The following MFSD2B variants were observed in gnomAD, a reference collection of about 807,000 sequenced individuals.
MFSD2B encodes the protein MFSD2 lysolipid transporter B, sphingolipid.
Under a neutral mutation model 58.4 loss-of-function variants are expected in MFSD2B, and 56 were observed. The ratio of observed to expected loss-of-function variants is 0.96; its 90% confidence interval spans 0.77 to 1.20. The LOEUF (loss-of-function observed/expected upper bound fraction) is 1.20. Ranked by LOEUF, MFSD2B falls within the 50% of genes most tolerant of loss-of-function variation. The pLI is 0.00. For synonymous variants in MFSD2B, 287 were observed against 294.4 expected (o/e 0.97, Z 0.26); for missense variants, 645 against 667.6 (o/e 0.97, Z 0.37).
At chr2:24,016,701 T>TCGA in intron 3 of MFSD2B, 144 bp from the exon 4 acceptor site, 1 of 944,990 alleles carries the variant, frequency 1.1e-6, no homozygotes, top group Non-Finnish European at 1.6e-6. Flanking sequence ...CGGCCACTTC[T>TCGA]CCCCTGCTCC....
chr2:24,014,062 G>C (rs534058879), intron 2 of MFSD2B, among the ~76,000 whole-genome samples: 10 of 151,620 alleles, frequency 6.6e-5, no homozygotes, highest in Admixed American at 2.0e-4. Context: ...ACCCAGGCTG[G>C]AGTGCAATGG....
Position 24,022,365 on chromosome 2 carries a change from G to C in MFSD2B, c.895-68G>C. 1 of 1,297,072 alleles carries C rather than the reference G, an allele frequency of 7.7e-7. No homozygotes were observed. The highest frequency in any genetic ancestry group is 1.9e-5 in the Admixed American group (1 of 52,398). The allele number at this position is 1,297,072 out of a possible 1,614,324, so 80.3% of individuals were successfully genotyped here. On this transcript the variant is annotated intron_variant, in intron 8 of 13. Transcript: ENST00000338315. This position sits in a 1 kb window ranked among gnomAD's most constrained non-coding sequence, Gnocchi z 4.5. ...ATGGAGATGCCAGACTCCAGACCCT[G>C]TCCTTGCCCTTGACTTCTGAGCTCC...
In MFSD2B at chr2:24,021,794, G is replaced by A. The variant is rs1429432796; in HGVS notation, c.773-55G>A. On this transcript the variant is annotated intron_variant, in intron 7 of 13. Transcript: ENST00000338315. The surrounding 1 kb of genome is among the most constrained non-coding windows in gnomAD (Gnocchi z 5.7). ...GCTGGGGGCAGGGCTCTGCTTGGGG[G>A]CAGGTTTTGCTTTTGAACTCTGCGA... is the stretch of plus-strand genomic sequence containing the variant. 38 of 1,612,870 alleles carry A rather than the reference G, an allele frequency of 2.4e-5. No individual in the cohort carries two copies. The highest frequency in any genetic ancestry group is 3.2e-5 in the Non-Finnish European group (38 of 1,179,220).
intron 2 of MFSD2B, 76 bp from the exon 3 acceptor site, chr2:24,016,080 G>A (rs1709133938): frequency 6.3e-7 from 1 of 1,581,968 alleles, no homozygotes. Context: ...CCTCCCTCTT[G>A]ATGGCAAGCA....
In MFSD2B at chr2:24,017,075, T is replaced by C; in HGVS notation, c.471+107T>C. ...AGGGCTGCCGCCCTCCCCACCCGCC[T>C]GTGCCTGGACCATGCCATTGGCACT... On this transcript the variant is annotated intron_variant, in intron 4 of 13. Coordinates refer to ENST00000338315, the MANE Select transcript of MFSD2B (RefSeq NM_001346880.2). This position sits in a 1 kb window ranked among gnomAD's most constrained non-coding sequence, Gnocchi z 4.8. 6.6e-7 allele frequency: 1 copy of C among 1,512,608 alleles called. No individual in the cohort carries two copies. Among genetic ancestry groups the C allele is most frequent in the South Asian group, 1.2e-5 (1 of 82,872 alleles). 93.7% of individuals were successfully genotyped at this position (1,512,608 alleles called of 1,614,324 possible). A position where few individuals can be genotyped will look rare whatever the true frequency, so the allele number is the denominator to read the frequency against.
Position 24,024,282 on chromosome 2 carries a change from C to G in MFSD2B, c.1490+11C>G, listed in dbSNP as rs1041812780. The G allele has an allele frequency of 6.9e-6, 11 of 1,590,990 alleles. No individual in the cohort carries two copies. The highest frequency in any genetic ancestry group is 3.4e-4 in the Middle Eastern group (2 of 5,936). On this transcript the variant is annotated intron_variant, in intron 13 of 13. Transcript: ENST00000338315. This position sits in a 1 kb window ranked among gnomAD's most constrained non-coding sequence, Gnocchi z 4.3. ...GCTGAGCCTTCGGAGGTAAGCCCCG[C>G]ACGCCCCCTGCAGCCAGCGAGGCAC...
intron 2 of MFSD2B, 44 bp from the exon 3 acceptor site, chr2:24,016,112 G>A: frequency 6.2e-7 from 1 of 1,610,316 alleles, no homozygotes; most frequent in Middle Eastern, 2.1e-4. Context: ...GCTCTCTGCT[G>A]CTGCTGGGCC....
At chr2:24,016,989 GGCCTGTGCTCT>G (rs1558322131) in intron 4 of MFSD2B, 21 bp downstream of exon 4, 1 of 1,612,968 alleles carries the variant, frequency 6.2e-7, no homozygotes, top group Admixed American at 1.7e-5. Flanking sequence ...CCCCTTCCTG[GGCCTGTGCTCT>G]GGCGAAGCCC....
In MFSD2B at chr2:24,020,578, G is replaced by A. The variant is rs1662737413; in HGVS notation, c.682-1070G>A. ...CACTGTCCTGCTTCCTATATATACA[G>A]AGGCAGGGTCTTACTCTGCCACCCA... On this transcript the variant is annotated intron_variant, in intron 6 of 13. Coordinates refer to ENST00000338315, the MANE Select transcript of MFSD2B (RefSeq NM_001346880.2). This position sits in a 1 kb window ranked among gnomAD's most constrained non-coding sequence, Gnocchi z 4.1. Among the ~76,000 whole-genome samples the A allele has an allele frequency of 1.3e-5, 2 of 152,036 alleles. No individual in the cohort carries two copies. The highest frequency in any genetic ancestry group is 4.8e-5 in the African/African-American group (2 of 41,374).
rs1268673790 is a variant in MFSD2B, at chr2:24,012,603, C to T, written c.97-682C>T. The stretch of plus-strand genomic sequence containing the variant: ...GGATTGTAGGGAGCAAGGGCAGACA[C>T]AGAAGCCACTTAGGAGGCATTCACT... On this transcript the variant is annotated intron_variant, in intron 1 of 13. Coordinates refer to ENST00000338315, the MANE Select transcript of MFSD2B (RefSeq NM_001346880.2). The surrounding 1 kb of genome is among the most constrained non-coding windows in gnomAD (Gnocchi z 4.5). Among the ~76,000 whole-genome samples, 3 of 152,154 alleles carry T rather than the reference C, an allele frequency of 2.0e-5. No homozygotes were observed. The highest frequency in any genetic ancestry group is 2.9e-5 in the Non-Finnish European group (2 of 68,038).
chr2:24,010,164 G>A lies in MFSD2B; in HGVS notation c.68G>A (p.Gly23Asp). 1 of 1,448,722 alleles carries A rather than the reference G, an allele frequency of 6.9e-7. No individual in the cohort carries two copies. Among genetic ancestry groups the A allele is most frequent in the Non-Finnish European group, 9.0e-7 (1 of 1,105,478 alleles). 89.7% of individuals were successfully genotyped at this position (1,448,722 alleles called of 1,614,324 possible). A position where few individuals can be genotyped will look rare whatever the true frequency, so the allele number is the denominator to read the frequency against. ...CCGGAGCCGCACGCCCCAGAGCCCG[G>A]CCCGGGGAGCGCCAAGCGAGGGCGA... ...PQPEPHAPEP[G>D]PGSAKRGRED... The change falls in exon 1 of 14, where the codon GGC becomes GAC. Residue 23 changes from glycine to aspartate, a missense_variant. Physicochemically the swap from Gly to Asp is moderately conservative, Grantham distance 94. Coordinates refer to ENST00000338315, the MANE Select transcript of MFSD2B (RefSeq NM_001346880.2).
At chr2:24,019,716 T>C (rs1242524245) in intron 6 of MFSD2B, among the ~76,000 whole-genome samples, 1 of 152,130 alleles carries the variant, frequency 6.6e-6, no homozygotes, top group Non-Finnish European at 1.5e-5. Flanking sequence ...ACCTTGCCTA[T>C]GTACTCTGCA....
Position 24,016,082 on chromosome 2 carries a change from T to C in MFSD2B, c.223-74T>C, listed in dbSNP as rs192743298. On this transcript the variant is annotated intron_variant, in intron 2 of 13. Coordinates refer to ENST00000338315, the MANE Select transcript of MFSD2B (RefSeq NM_001346880.2). ...CCCGGTTCCCAGGCCTCCCTCTTGA[T>C]GGCAAGCAGGCCTGGATGGGCTCTC... 9.1e-4 allele frequency: 1,436 copies of C among 1,585,480 alleles called. 3 individuals are homozygous for C. The highest frequency in any genetic ancestry group is 6.8e-4 in the Non-Finnish European group (788 of 1,161,258).
chr2:24,014,156 T>C (rs1249414261), intron 2 of MFSD2B, among the ~76,000 whole-genome samples: 6 of 152,018 alleles, frequency 3.9e-5, no homozygotes, highest in African/African-American at 1.4e-4. Context: ...GGATTACAGG[T>C]GTGTGCCATC....
At position 24,022,325 on chromosome 2, in the gene MFSD2B, C is replaced by A; in HGVS notation, c.895-108C>A. The stretch of plus-strand genomic sequence containing the variant: ...GGAAGGGACTGTATGATGGTAGCAG[C>A]AAGCCAAGGTCCCAATGGAGATGCC... On this transcript the variant is annotated intron_variant, in intron 8 of 13. Coordinates refer to ENST00000338315, the MANE Select transcript of MFSD2B (RefSeq NM_001346880.2). This position sits in a 1 kb window ranked among gnomAD's most constrained non-coding sequence, Gnocchi z 4.5. The A allele has an allele frequency of 1.1e-6, 1 of 883,036 alleles. No individual in the cohort carries two copies. Among genetic ancestry groups the A allele is most frequent in the Non-Finnish European group, 1.8e-6 (1 of 544,308 alleles). The allele number at this position is 883,036 out of a possible 1,614,324, so 54.7% of individuals were successfully genotyped here.
In MFSD2B at chr2:24,012,166, A is replaced by C. The variant is rs1708977738; in HGVS notation, c.97-1119A>C. On this transcript the variant is annotated intron_variant, in intron 1 of 13. Transcript: ENST00000338315. This position sits in a 1 kb window ranked among gnomAD's most constrained non-coding sequence, Gnocchi z 4.5. Reference sequence around the variant, plus strand: ...AAACAAACAAAACACACACACACACACACACACACACACAAAAACAGACAA... The same window carrying C: ...AAACAAACAAAACACACACACACACCCACACACACACACAAAAACAGACAA... Among the ~76,000 whole-genome samples the C allele has an allele frequency of 1.4e-5, 1 of 71,142 alleles. No homozygotes were observed. Among genetic ancestry groups the C allele is most frequent in the African/African-American group, 3.5e-5 (1 of 28,276 alleles). 46.7% of individuals were successfully genotyped at this position (71,142 alleles called of 152,430 possible). A position where few individuals can be genotyped will look rare whatever the true frequency, so the allele number is the denominator to read the frequency against.
In MFSD2B at chr2:24,016,866, C is replaced by A. The variant is rs370781476; in HGVS notation, c.369C>A (p.Phe123Leu). Reference sequence around the variant, plus strand: ...GCAGGGTGCTGGGCTGCACCCCCTTCATCGCCCTGGCCTACTTCTTCCTGT... The same window carrying A: ...GCAGGGTGCTGGGCTGCACCCCCTTAATCGCCCTGGCCTACTTCTTCCTGT... ...LMPWVLGCTPFIALAYFFLWF... is the reference protein window; with the variant it reads ...LMPWVLGCTPLIALAYFFLWF... The change falls in exon 4 of 14, where the codon TTC (phenylalanine) becomes TTA (leucine). Residue 123 changes from phenylalanine (F) to leucine (L), a missense_variant. By Grantham distance (22) the Phe-to-Leu change is conservative. Transcript: ENST00000338315. 8 of 1,613,644 alleles carry A rather than the reference C, an allele frequency of 5.0e-6. No individual in the cohort carries two copies. The Admixed American group carries it at 6.7e-5, about 13-fold the overall frequency.
At chr2:24,011,843 G>A (rs945513210) in intron 1 of MFSD2B, among the ~76,000 whole-genome samples, 2 of 152,164 alleles carry the variant, frequency 1.3e-5, no homozygotes, top group Admixed American at 6.5e-5. Context: ...ACTGAGAGAG[G>A]TGAGAGGTTA....
chr2:24,022,833 G>T lies in MFSD2B; in HGVS notation c.990G>T (p.Val330=). The T allele has an allele frequency of 6.2e-7, 1 of 1,602,774 alleles. No homozygotes were observed. The highest frequency in any genetic ancestry group is 8.5e-7 in the Non-Finnish European group (1 of 1,175,108). ...CTGTCTGCTCACAGGTCTCAGCCGTGCTGAGCACCCCGCTGTGGGAGTGGG... is the reference window on the plus strand; with the variant it reads ...CTGTCTGCTCACAGGTCTCAGCCGTTCTGAGCACCCCGCTGTGGGAGTGGG... ...GLVLTVLVSA[V]LSTPLWEWVL... Residue 330 remains valine (V), a synonymous_variant, in exon 10 of 14, where the codon GTG becomes GTT. Transcript: ENST00000338315. The surrounding 1 kb of genome is among the most constrained non-coding windows in gnomAD (Gnocchi z 4.5).
Sources: gnomAD v4.1 joint callset for allele counts (sites outside exome capture counted in the v4.1 genomes callset) on GRCh38, gnomAD v4.1.1 for gene constraint, Gnocchi (gnomAD v3.1) non-coding constraint, MANE v1.5 for transcripts, NCBI Gene and HGNC (gene_info 2026-07-23, HGNC 2026-07-21) for gene names.